MYO9B: variants seen among roughly 807,000 people sequenced by gnomAD.
MYO9B encodes myosin IXB, also known as unconventional myosin-IXb.
A neutral mutation model predicts 229.5 loss-of-function variants in MYO9B; 71 were observed. The ratio of observed to expected loss-of-function variants is 0.31; its 90% confidence interval spans 0.26 to 0.38. MYO9B has a LOEUF of 0.38. MYO9B is among the 10% of genes least tolerant of loss of function. The pLI, the probability that MYO9B is intolerant of heterozygous loss-of-function variation, is 1.00. For missense variants in MYO9B, 2,255 were observed against 2,920.5 expected, an observed-to-expected ratio of 0.77 and a Z score of 5.25; for synonymous variants, 1,185 against 1,235.8, an observed-to-expected ratio of 0.96 and a Z score of 0.86.
In MYO9B at chr19:17,212,496, C is replaced by G. The variant is rs1159300056; in HGVS notation, c.*186C>G. The G allele has an allele frequency of 3.1e-6, 2 of 635,802 alleles. No individual in the cohort carries two copies. The highest frequency in any genetic ancestry group is 5.0e-6 in the Non-Finnish European group (2 of 403,140). The allele number at this position is 635,802 out of a possible 1,614,324, so 39.4% of individuals were successfully genotyped here. A position where few individuals can be genotyped will look rare whatever the true frequency, so the allele number is the denominator to read the frequency against. On this transcript the variant is annotated 3_prime_UTR_variant, in exon 40 of 40. Coordinates refer to ENST00000682292, the MANE Select transcript of MYO9B (RefSeq NM_004145.4). The surrounding 1 kb of genome is among the most constrained non-coding windows in gnomAD (Gnocchi z 5.4). ...AGGGAGAGGCCGGCTGGAGCCAGGC[C>G]CCCTCGCACGCAGCCCCCAAATCAT...
In MYO9B at chr19:17,208,890, C is replaced by T. The variant is rs928550852; in HGVS notation, c.5625-696C>T. Among the ~76,000 whole-genome samples the T allele has an allele frequency of 7.0e-4, 107 of 151,778 alleles. 1 individual carries two copies. The highest frequency in any genetic ancestry group is 2.2e-3 in the African/African-American group (91 of 41,354). On this transcript the variant is annotated intron_variant, in intron 35 of 39. Transcript: ENST00000682292. ...TGAGTCCCTCTGGTACTGACCACTC[C>T]GGACTGAGTCCCTCTGGTACTGGCC...
At chr19:17,146,704 T>C (rs2072415755) in intron 3 of MYO9B, among the ~76,000 whole-genome samples, 1 of 152,104 alleles carries the variant, frequency 6.6e-6, no homozygotes, top group Admixed American at 6.6e-5. Flanking sequence ...GATAGATTCA[T>C]GGGTAAATTG....
At chr19:17,117,823 A>T (rs62127868) in intron 2 of MYO9B, among the ~76,000 whole-genome samples, 2 of 151,360 alleles carry the variant, frequency 1.3e-5, no homozygotes, top group African/African-American at 2.4e-5. Flanking sequence ...CTGTAATCCC[A>T]GCTACTGAGG....
chr19:17,104,477 G>A (rs1017816156), intron 2 of MYO9B, among the ~76,000 whole-genome samples: 1 of 152,216 alleles, frequency 6.6e-6, no homozygotes. Context: ...TGTAGGACAA[G>A]GTGCATCCAC....
chr19:17,102,830 C>G (rs2057758359), intron 2 of MYO9B, among the ~76,000 whole-genome samples: 1 of 151,676 alleles, frequency 6.6e-6, no homozygotes, highest in African/African-American at 2.4e-5. Flanking sequence ...TCACTTGAGC[C>G]CAGGAGTTCG....
chr19:17,088,508 C>G (rs566389369), intron 1 of MYO9B, among the ~76,000 whole-genome samples: 2 of 152,200 alleles, frequency 1.3e-5, no homozygotes, highest in Admixed American at 6.5e-5. Flanking sequence ...AGCTGCTCCC[C>G]GAGGAGTTTC....
At chr19:17,100,494 A>G (rs116699605) in intron 1 of MYO9B, among the ~76,000 whole-genome samples, 1,803 of 152,260 alleles carry the variant, frequency 0.012, 45 homozygotes, top group African/African-American at 0.04. Flanking sequence ...AAAGAAAAAG[A>G]AAAGAAATTG....
At chr19:17,136,537 T>C (rs1170172005) in intron 2 of MYO9B, among the ~76,000 whole-genome samples, 1 of 152,060 alleles carries the variant, frequency 6.6e-6, no homozygotes, top group Non-Finnish European at 1.5e-5. Context: ...TCTGTGTACA[T>C]CAATGCTCCG....
At chr19:17,088,323 T>C (rs2057603361) in intron 1 of MYO9B, among the ~76,000 whole-genome samples, 1 of 152,248 alleles carries the variant, frequency 6.6e-6, no homozygotes, top group Admixed American at 6.5e-5. Flanking sequence ...CCTTGTCCAG[T>C]ACAACCTGAT....
intron 2 of MYO9B, among the ~76,000 whole-genome samples, chr19:17,136,364 A>C (rs2072269611): frequency 6.6e-6 from 1 of 152,172 alleles, no homozygotes; most frequent in African/African-American, 2.4e-5. Flanking sequence ...AAATAACAAC[A>C]AAAAACAGTT....
chr19:17,092,959 A>G (rs1014805345), intron 1 of MYO9B, among the ~76,000 whole-genome samples: 2 of 146,724 alleles, frequency 1.4e-5, no homozygotes, highest in African/African-American at 5.1e-5. Flanking sequence ...GTGTATTCAC[A>G]TGTGTTTCCT....
intron 2 of MYO9B, among the ~76,000 whole-genome samples, chr19:17,140,661 T>A (rs992189069): frequency 1.3e-5 from 2 of 151,810 alleles, no homozygotes; most frequent in Non-Finnish European, 2.9e-5. Context: ...GCTAATTTTG[T>A]ATTTTTAGTA....
chr19:17,175,279 T>TA (rs568328254), intron 13 of MYO9B, among the ~76,000 whole-genome samples: 58,380 of 129,132 alleles, frequency 0.45, 12,950 homozygotes, highest in African/African-American at 0.61. Flanking sequence ...GGTAAAAAAT[T>TA]AAAAAAAAAA....
rs924364869 is a variant in MYO9B, at chr19:17,193,629, A to G, written c.3128+567A>G. Among the ~76,000 whole-genome samples the G allele has an allele frequency of 6.6e-6, 1 of 152,152 alleles. No individual in the cohort carries two copies. Among genetic ancestry groups the G allele is most frequent in the Non-Finnish European group, 1.5e-5 (1 of 68,014 alleles). ...GCAATGGCTCATGCCTGTAATCCCA[A>G]CACTTTGGGAGGCCTAGATGGGAAG... On this transcript the variant is annotated intron_variant, in intron 21 of 39. Coordinates refer to ENST00000682292, the MANE Select transcript of MYO9B (RefSeq NM_004145.4). This position sits in a 1 kb window ranked among gnomAD's most constrained non-coding sequence, Gnocchi z 4.3.
Position 17,172,817 on chromosome 19 carries a change from G to A in MYO9B, c.1994G>A (p.Gly665Asp), listed in dbSNP as rs981054755. Residue 665 changes from glycine to aspartate, a missense_variant, in exon 13 of 40, where the codon GGC (glycine) becomes GAC (aspartate). Transcript: ENST00000682292. The surrounding 1 kb of genome is among the most constrained non-coding windows in gnomAD (Gnocchi z 8.2). ...MRPDIVALLR[G>D]SDSSYVRELI... Reference sequence around the variant, plus strand: ...CCAGACATCGTGGCCCTGCTGCGGGGCAGTGACAGCTCCTACGTGCGGGAG... The same window carrying A: ...CCAGACATCGTGGCCCTGCTGCGGGACAGTGACAGCTCCTACGTGCGGGAG... 2 of 1,612,910 alleles carry A rather than the reference G, an allele frequency of 1.2e-6. No homozygotes were observed. The highest frequency in any genetic ancestry group is 1.6e-4 in the Middle Eastern group (1 of 6,062).
chr19:17,176,025 GTTTT>G (rs1473619449), intron 14 of MYO9B, among the ~76,000 whole-genome samples: 1 of 148,680 alleles, frequency 6.7e-6, no homozygotes, highest in Non-Finnish European at 1.5e-5. Flanking sequence ...TTTTTTGTTG[GTTTT>G]TGTTTGTTTG....
chr19:17,188,086 G>T, intron 19 of MYO9B, 41 bp downstream of exon 19: 2 of 1,496,230 alleles, frequency 1.3e-6, no homozygotes, highest in South Asian at 2.4e-5. Flanking sequence ...CCTGTTCCGT[G>T]GCAAAGGCAA....
rs563438739 is a variant in MYO9B, at chr19:17,088,143, G to A, written c.-59+12269G>A. ...ACCACACTCCCTCTGGAGGCTCTAC[G>A]GGAGGACCCTTCCTGCCTGTTCTAG... is the stretch of plus-strand genomic sequence containing the variant. On this transcript the variant is annotated intron_variant, in intron 1 of 39. Coordinates refer to ENST00000682292, the MANE Select transcript of MYO9B (RefSeq NM_004145.4). 6.3e-4 allele frequency among the ~76,000 whole-genome samples: 96 copies of A among 152,318 alleles called. 1 individual carries two copies. Among genetic ancestry groups the A allele is most frequent in the African/African-American group, 2.0e-3 (85 of 41,578 alleles).
At chr19:17,139,927 G>C (rs2072317082) in intron 2 of MYO9B, among the ~76,000 whole-genome samples, 1 of 152,028 alleles carries the variant, frequency 6.6e-6, no homozygotes, top group African/African-American at 2.4e-5. Flanking sequence ...TGTAATCCCA[G>C]CTATTCGGGA....
Sources: allele counts gnomAD v4.1 joint callset (sites outside exome capture counted in the v4.1 genomes callset), GRCh38; gene constraint gnomAD v4.1.1; non-coding constraint Gnocchi (gnomAD v3.1); transcripts MANE v1.5; gene names NCBI Gene and HGNC (gene_info 2026-07-23, HGNC 2026-07-21).